GRIN2B: variants seen among roughly 807,000 people sequenced by gnomAD.
The protein encoded by GRIN2B is glutamate receptor ionotropic, NMDA 2B.
GRIN2B carries 5 observed loss-of-function variants against 114.5 expected under a neutral mutation model. That is an observed-to-expected ratio of 0.04 (90% CI 0.02 to 0.09). GRIN2B has a LOEUF of 0.09. GRIN2B is among the 10% of genes least tolerant of loss of function. The pLI is 1.00. For synonymous variants in GRIN2B, 787 were observed against 745.1 expected (o/e 1.06, Z -0.92); for missense variants, 1,108 against 1,943.5 (o/e 0.57, Z 8.08).
At chr12:13,849,976 T>TTCTC (rs1295058171) in intron 3 of GRIN2B, among the ~76,000 whole-genome samples, 2 of 152,132 alleles carry the variant, frequency 1.3e-5, no homozygotes, top group Non-Finnish European at 2.9e-5. Flanking sequence ...CTCTTGCAGA[T>TTCTC]AAGCAAGCCT....
At chr12:13,869,866 A>T (rs1865879767) in intron 2 of GRIN2B, among the ~76,000 whole-genome samples, 1 of 152,240 alleles carries the variant, frequency 6.6e-6, no homozygotes, top group African/African-American at 2.4e-5. Flanking sequence ...CTATGCTATC[A>T]TCGGTGAAAC....
intron 3 of GRIN2B, among the ~76,000 whole-genome samples, chr12:13,824,030 T>C (rs1864986041): frequency 6.6e-6 from 1 of 152,206 alleles, no homozygotes; most frequent in Admixed American, 6.5e-5. Context: ...TTGCTGGATT[T>C]CCATTAACTA....
intron 3 of GRIN2B, among the ~76,000 whole-genome samples, chr12:13,805,224 TG>T (rs897618173): frequency 3.3e-4 from 51 of 152,304 alleles, no homozygotes; most frequent in South Asian, 1.2e-3. Flanking sequence ...AAAGGTGCAA[TG>T]ACTCACTGAG....
chr12:13,561,090 G>A lies in GRIN2B; in HGVS notation c.*1693C>T, dbSNP rs936946773. 2.0e-5 allele frequency: 3 copies of A among 152,168 alleles called. No individual in the cohort carries two copies. The highest frequency in any genetic ancestry group is 7.2e-5 in the African/African-American group (3 of 41,446). The allele number at this position is 152,168 out of a possible 1,614,324, so 9.4% of individuals were successfully genotyped here. A position where few individuals can be genotyped will look rare whatever the true frequency, so the allele number is the denominator to read the frequency against. On this transcript the variant is annotated 3_prime_UTR_variant, in exon 14 of 14. Coordinates refer to ENST00000609686, the MANE Select transcript of GRIN2B (RefSeq NM_000834.5). ...ATAAATAGCCCTACCGCAAGTTTCA[G>A]GACCGGCAGTGATACATATTCATTT...
intron 5 of GRIN2B, among the ~76,000 whole-genome samples, chr12:13,640,567 C>T (rs967074040): frequency 6.6e-6 from 1 of 152,156 alleles, no homozygotes; most frequent in East Asian, 1.9e-4. Flanking sequence ...ATGTTCTATG[C>T]TCCTTTATTC....
In GRIN2B at chr12:13,564,210, G is replaced by A. The variant is rs956362869; in HGVS notation, c.3028C>T (p.Pro1010Ser). The change falls in exon 14 of 14, where the codon CCC becomes TCC. Residue 1010 changes from proline (P) to serine (S), a missense_variant. This residue lies in a region of GRIN2B where 140 missense variants were observed against 187.5 expected (regional missense o/e 0.75). Transcript: ENST00000609686. This position sits in a 1 kb window ranked among gnomAD's most constrained non-coding sequence, Gnocchi z 4.8. Reference protein sequence around the residue: ...IDGLYDCDNPPFTTQSRSISK... With the variant: ...IDGLYDCDNPSFTTQSRSISK... ...ATGGACCTGGACTGGGTGGTGAAGG[G>A]TGGGTTGTCACAGTCGTAGAGCCCA... is the stretch of plus-strand genomic sequence containing the variant. 1.9e-6 allele frequency: 3 copies of A among 1,614,086 alleles called. No individual in the cohort carries two copies. Among genetic ancestry groups the A allele is most frequent in the African/African-American group, 2.7e-5 (2 of 74,934 alleles).
chr12:13,586,557 G>T (rs1259614486), intron 10 of GRIN2B, among the ~76,000 whole-genome samples: 1 of 152,128 alleles, frequency 6.6e-6, no homozygotes, highest in East Asian at 1.9e-4. Context: ...CACAGGAGCC[G>T]AGGAATAATC....
At chr12:13,878,210 T>C (rs1421163404) in intron 2 of GRIN2B, among the ~76,000 whole-genome samples, 2 of 151,878 alleles carry the variant, frequency 1.3e-5, no homozygotes, top group African/African-American at 4.8e-5. Context: ...AATCAGGAGA[T>C]GAGTAGGAAC....
intron 8 of GRIN2B, among the ~76,000 whole-genome samples, chr12:13,614,647 C>CT (rs1313942189): frequency 5.3e-5 from 8 of 152,186 alleles, no homozygotes; most frequent in Non-Finnish European, 8.8e-5. Context: ...AACAAAAAAT[C>CT]TTTTTTGGTA....
intron 4 of GRIN2B, among the ~76,000 whole-genome samples, chr12:13,734,045 A>G (rs1164372241): frequency 6.6e-6 from 1 of 152,240 alleles, no homozygotes; most frequent in African/African-American, 2.4e-5. Flanking sequence ...GTCTGCCTAG[A>G]GAACAGTTCC....
chr12:13,607,194 A>AT (rs1233658722), intron 10 of GRIN2B, among the ~76,000 whole-genome samples: 21 of 116,024 alleles, frequency 1.8e-4, no homozygotes, highest in African/African-American at 6.7e-4. Flanking sequence ...ATATATAAAA[A>AT]ATATATATAA....
chr12:13,585,254 G>A (rs888966662), intron 10 of GRIN2B, among the ~76,000 whole-genome samples: 5 of 152,274 alleles, frequency 3.3e-5, no homozygotes, highest in Admixed American at 1.3e-4. Context: ...GGGGTGGGGC[G>A]GAAATGTCAA....
At chr12:13,575,375 C>T (rs533895107) in intron 10 of GRIN2B, among the ~76,000 whole-genome samples, 8 of 152,166 alleles carry the variant, frequency 5.3e-5, no homozygotes, top group Non-Finnish European at 1.2e-4. Flanking sequence ...TGAAAATAAT[C>T]GGGCCGGGTG....
intron 4 of GRIN2B, among the ~76,000 whole-genome samples, chr12:13,735,543 A>G (rs1010853673): frequency 3.3e-5 from 5 of 152,196 alleles, no homozygotes; most frequent in African/African-American, 1.2e-4. Context: ...TCATTGTCTC[A>G]TGGCATAATG....
At chr12:13,620,350 T>A (rs1037658438) in intron 5 of GRIN2B, among the ~76,000 whole-genome samples, 5 of 152,158 alleles carry the variant, frequency 3.3e-5, no homozygotes, top group Admixed American at 3.3e-4. Context: ...TCTTGAGAGC[T>A]GACTGGATTG....
At chr12:13,861,487 C>T (rs1865751023) in intron 3 of GRIN2B, among the ~76,000 whole-genome samples, 1 of 152,130 alleles carries the variant, frequency 6.6e-6, no homozygotes, top group African/African-American at 2.4e-5. Flanking sequence ...TATAACAAGG[C>T]AAAATAAAAT....
intron 3 of GRIN2B, among the ~76,000 whole-genome samples, chr12:13,861,677 G>A (rs1865753944): frequency 6.6e-6 from 1 of 152,196 alleles, no homozygotes; most frequent in Non-Finnish European, 1.5e-5. Context: ...GTGAGCCTCA[G>A]CTTCCCTGGT....
intron 5 of GRIN2B, among the ~76,000 whole-genome samples, chr12:13,620,976 A>G (rs1283253685): frequency 6.6e-6 from 1 of 151,822 alleles, no homozygotes; most frequent in East Asian, 1.9e-4. Context: ...TGAATATCAG[A>G]TTCCCAATTC....
chr12:13,977,803 A>G (rs776112520), intron 2 of GRIN2B, among the ~76,000 whole-genome samples: 2 of 152,202 alleles, frequency 1.3e-5, no homozygotes, highest in Non-Finnish European at 2.9e-5. Context: ...TTGCATGGTG[A>G]AAAGGCACAG....
Sources: allele counts gnomAD v4.1 joint callset (sites outside exome capture counted in the v4.1 genomes callset), GRCh38; gene constraint gnomAD v4.1.1; regional missense constraint gnomAD v4.1.1; non-coding constraint Gnocchi (gnomAD v3.1); transcripts MANE v1.5; gene names NCBI Gene and HGNC (gene_info 2026-07-23, HGNC 2026-07-21).